Variants in EXT2 observed in about 807,000 individuals in gnomAD.
EXT2 encodes the protein exostosin-2.
EXT2 carries 53 observed loss-of-function variants against 81.6 expected under a neutral mutation model. The ratio of observed to expected loss-of-function variants is 0.65; its 90% CI spans 0.52 to 0.82. The LOEUF is 0.82. EXT2 is among the 40% of genes least tolerant of loss of function. EXT2 has a pLI of 0.00. For missense variants in EXT2, 774 were observed against 910.2 expected (o/e 0.85, Z 1.93); for synonymous variants, 320 against 340.0 (o/e 0.94, Z 0.65).
chr11:44,126,779 C>T (rs1267836781), intron 5 of EXT2, 37 bp from the exon 6 acceptor site: 1 of 1,613,958 alleles, frequency 6.2e-7, no homozygotes, highest in East Asian at 2.2e-5. Context: ...ATCAGCAAAA[C>T]TAGTTTGTAA....
At chr11:44,119,167 T>TTC (rs1954276374) in intron 4 of EXT2, among the ~76,000 whole-genome samples, 2 of 44,096 alleles carry the variant, frequency 4.5e-5, no homozygotes, top group Non-Finnish European at 1.1e-4. Flanking sequence ...TATATATATA[T>TTC]ATACACATAC....
At chr11:44,099,689 G>A (rs1056439995) in intron 1 of EXT2, among the ~76,000 whole-genome samples, 10 of 152,126 alleles carry the variant, frequency 6.6e-5, no homozygotes, top group Admixed American at 6.5e-4. Flanking sequence ...ACTGATTACA[G>A]GAAAAATCAC....
At position 44,250,116 on chromosome 11, in the gene EXT2, G is replaced by C. The variant is rs549086249; in HGVS notation, c.*5829G>C. ...GCCAGGCAGTGTGGTAGGCCCAAGA[G>C]ATATAGCAATTAGAGTTGACTAAGA... On this transcript the variant is annotated 3_prime_UTR_variant, in exon 14 of 14. Coordinates refer to ENST00000533608, the MANE Select transcript of EXT2 (RefSeq NM_207122.2). Among the ~76,000 whole-genome samples the C allele has an allele frequency of 5.9e-5, 9 of 152,314 alleles. No individual in the cohort carries two copies. In the East Asian group the frequency reaches 1.4e-3, roughly 23 times the overall value.
At chr11:44,139,881 C>G (rs1954622277) in intron 7 of EXT2, among the ~76,000 whole-genome samples, 1 of 152,036 alleles carries the variant, frequency 6.6e-6, no homozygotes, top group East Asian at 1.9e-4. Flanking sequence ...TCTGCTGAGT[C>G]CAGGAGCTCA....
intron 1 of EXT2, among the ~76,000 whole-genome samples, chr11:44,097,745 C>A (rs1168999480): frequency 2.2e-5 from 3 of 138,902 alleles, no homozygotes; most frequent in Non-Finnish European, 3.0e-5. Flanking sequence ...AGTGACAGAG[C>A]AAGACTCCAT....
chr11:44,212,260 G>C (rs550352379), intron 10 of EXT2, among the ~76,000 whole-genome samples: 1 of 151,054 alleles, frequency 6.6e-6, no homozygotes, highest in Non-Finnish European at 1.5e-5. Flanking sequence ...ACTACAGCCC[G>C]GGCGACAGTG....
rs1283281978 is a variant in EXT2 at position 44,108,103 on chromosome 11, A to G, written c.391A>G (p.Asn131Asp). Residue 131 changes from asparagine to aspartate, a missense_variant, in exon 2 of 14, where the codon AAT (asparagine) becomes GAT (aspartate). Asn to Asp is a conservative substitution (Grantham distance 23, BLOSUM62 1). Transcript: ENST00000533608. ...SVSNTISREYNELLMAISDSD... is the reference protein window; with the variant it reads ...SVSNTISREYDELLMAISDSD... ...CAGCAACACCATCTCCCGGGAGTAT[A>G]ATGAACTGCTCATGGCCATCTCAGA... is the stretch of plus-strand genomic sequence containing the variant. 1.2e-6 allele frequency: 2 copies of G among 1,614,176 alleles called. No homozygotes were observed. The highest frequency in any genetic ancestry group is 1.7e-6 in the Non-Finnish European group (2 of 1,180,030).
intron 1 of EXT2, among the ~76,000 whole-genome samples, chr11:44,102,262 C>T (rs1168479603): frequency 6.6e-6 from 1 of 152,102 alleles, no homozygotes; most frequent in Non-Finnish European, 1.5e-5. Context: ...ATAACAGTAC[C>T]AGGCAACCCT....
At chr11:44,114,638 C>A (rs1954195987) in intron 4 of EXT2, among the ~76,000 whole-genome samples, 1 of 152,148 alleles carries the variant, frequency 6.6e-6, no homozygotes, top group Admixed American at 6.5e-5. Context: ...TCCCCGAATC[C>A]TCCTCCTCTA....
In EXT2 at chr11:44,245,164, A is replaced by G. The variant is rs531153736; in HGVS notation, c.*877A>G. 1 of 229,584 alleles carries G rather than the reference A, an allele frequency of 4.4e-6. No homozygotes were observed. The highest frequency in any genetic ancestry group is 6.2e-5 in the East Asian group (1 of 16,130). 14.2% of individuals were successfully genotyped at this position (229,584 alleles called of 1,614,324 possible). A position where few individuals can be genotyped will look rare whatever the true frequency, so the allele number is the denominator to read the frequency against. On this transcript the variant is annotated 3_prime_UTR_variant, in exon 14 of 14. Coordinates refer to ENST00000533608, the MANE Select transcript of EXT2 (RefSeq NM_207122.2). ...AGGAATCTGTTTGCTTCCTGATTAGATCCAGTCAATGTTTTAAAGGTATTG... is the reference window on the plus strand; with the variant it reads ...AGGAATCTGTTTGCTTCCTGATTAGGTCCAGTCAATGTTTTAAAGGTATTG...
chr11:44,240,355 C>G (rs1209081762), intron 13 of EXT2, among the ~76,000 whole-genome samples: 1 of 152,182 alleles, frequency 6.6e-6, no homozygotes. Flanking sequence ...AAGGAACAGG[C>G]AGGCTGGAGA....
chr11:44,215,092 G>A (rs773403647), intron 10 of EXT2, among the ~76,000 whole-genome samples: 110 of 152,044 alleles, frequency 7.2e-4, no homozygotes, highest in Non-Finnish European at 5.3e-4. Context: ...TTTTTCTGTT[G>A]TGCTTTTTTT....
rs1353053264 is a variant in EXT2, at chr11:44,250,524, G to A, written c.*6237G>A. Among the ~76,000 whole-genome samples, 2 of 152,218 alleles carry A rather than the reference G, an allele frequency of 1.3e-5. No individual in the cohort carries two copies. The highest frequency in any genetic ancestry group is 2.9e-5 in the Non-Finnish European group (2 of 68,050). The stretch of plus-strand genomic sequence containing the variant: ...CTTCCGGCCCCTATTTCTGCTTACC[G>A]TGTTACCAGAGAGCCTGGGGGTCTG... On this transcript the variant is annotated 3_prime_UTR_variant, in exon 14 of 14. Coordinates refer to ENST00000533608, the MANE Select transcript of EXT2 (RefSeq NM_207122.2).
intron 8 of EXT2, among the ~76,000 whole-genome samples, chr11:44,183,577 C>T (rs958625935): frequency 6.6e-6 from 1 of 151,900 alleles, no homozygotes; most frequent in Admixed American, 6.6e-5. Flanking sequence ...CTTTGTTAGG[C>T]CTTTTATTCT....
chr11:44,107,047 C>T (rs1954065433), intron 1 of EXT2, among the ~76,000 whole-genome samples: 1 of 152,110 alleles, frequency 6.6e-6, no homozygotes, highest in African/African-American at 2.4e-5. Context: ...GATTTTTCTG[C>T]CTTGGTCAGA....
At chr11:44,174,825 T>C (rs1398777508) in intron 8 of EXT2, among the ~76,000 whole-genome samples, 2 of 152,104 alleles carry the variant, frequency 1.3e-5, no homozygotes, top group East Asian at 3.9e-4. Flanking sequence ...GGAAGAAAAA[T>C]TCCATCCAGA....
chr11:44,143,297 A>G (rs1405006709), intron 7 of EXT2, among the ~76,000 whole-genome samples: 6 of 152,194 alleles, frequency 3.9e-5, no homozygotes, highest in African/African-American at 1.4e-4. Context: ...AAGGAGTTCA[A>G]CTGTCTAATC....
chr11:44,127,197 G>T (rs560915570), intron 6 of EXT2, among the ~76,000 whole-genome samples: 1 of 152,152 alleles, frequency 6.6e-6, no homozygotes, highest in East Asian at 1.9e-4. Context: ...CTTCCTTTAC[G>T]TATAGTCTGG....
intron 1 of EXT2, among the ~76,000 whole-genome samples, chr11:44,107,130 AT>A (rs1954066199): frequency 6.6e-6 from 1 of 151,774 alleles, no homozygotes; most frequent in Non-Finnish European, 1.5e-5. Flanking sequence ...GTATAGTAAT[AT>A]TTTATATTAT....
Sources: allele counts gnomAD v4.1 joint callset (sites outside exome capture counted in the v4.1 genomes callset), GRCh38; gene constraint gnomAD v4.1.1; transcripts MANE v1.5; gene names NCBI Gene and HGNC (gene_info 2026-07-23, HGNC 2026-07-21).